RBM19: variants seen among roughly 807,000 people sequenced by gnomAD.
The protein encoded by RBM19 is RNA binding motif protein 19, also known as probable RNA-binding protein 19.
Under a neutral mutation model 116.8 loss-of-function variants are expected in RBM19, and 94 were observed. That is an observed-to-expected ratio of 0.80 (90% CI 0.68 to 0.95). RBM19 has a LOEUF of 0.95. RBM19 is among the 40% of genes least tolerant of loss of function. RBM19 has a pLI of 0.00. For synonymous variants in RBM19, 475 were observed against 494.1 expected (o/e 0.96, Z 0.51); for missense variants, 1,161 against 1,220.7 (o/e 0.95, Z 0.73).
chr12:113,866,912 CAAAA>C (rs924653374), intron 21 of RBM19, among the ~76,000 whole-genome samples: 2 of 152,186 alleles, frequency 1.3e-5, no homozygotes, highest in African/African-American at 4.8e-5. Context: ...ACCGTGTTGC[CAAAA>C]ACAACAGAAG....
In RBM19 at chr12:113,937,221, C is replaced by T; in HGVS notation, c.1939-85G>A. On this transcript the variant is annotated intron_variant, in intron 15 of 23. Coordinates refer to ENST00000261741, the MANE Select transcript of RBM19 (RefSeq NM_016196.4). The stretch of plus-strand genomic sequence containing the variant: ...ACTCAGTCCCATGCAGATCACAGCC[C>T]AAGGGTCACAGAGGATGGGCAACTC... 2.0e-6 allele frequency: 3 copies of T among 1,516,438 alleles called. No homozygotes were observed. In the Admixed American group the frequency reaches 5.7e-5, roughly 29 times the overall value. The allele number at this position is 1,516,438 out of a possible 1,614,324, so 93.9% of individuals were successfully genotyped here. A position where few individuals can be genotyped will look rare whatever the true frequency, so the allele number is the denominator to read the frequency against.
chr12:113,842,572 C>T (rs939234873), intron 23 of RBM19, among the ~76,000 whole-genome samples: 2 of 152,356 alleles, frequency 1.3e-5, no homozygotes, highest in Admixed American at 1.3e-4. Flanking sequence ...ACGGGGGACC[C>T]AGGGAAGAAC....
At chr12:113,862,781 C>G (rs1878499774) in intron 21 of RBM19, among the ~76,000 whole-genome samples, 1 of 152,168 alleles carries the variant, frequency 6.6e-6, no homozygotes, top group African/African-American at 2.4e-5. Flanking sequence ...ATAATAGAAA[C>G]CACAAAGTAG....
rs1593443995 is a variant in RBM19 at position 113,823,028 on chromosome 12, C to A, written c.*196G>T. 5.1e-6 allele frequency: 3 copies of A among 588,338 alleles called. No individual in the cohort carries two copies. The highest frequency in any genetic ancestry group is 5.7e-5 in the East Asian group (2 of 34,794). 36.4% of individuals were successfully genotyped at this position (588,338 alleles called of 1,614,324 possible). On this transcript the variant is annotated 3_prime_UTR_variant, in exon 24 of 24. Coordinates refer to ENST00000261741, the MANE Select transcript of RBM19 (RefSeq NM_016196.4). ...TGCTAGAACGCGTCACTGGTGAAAC[C>A]CAGGATGCCTGGGCCGCTGGGCAGT... is the stretch of plus-strand genomic sequence containing the variant.
At chr12:113,885,004 A>G (rs999994891) in intron 21 of RBM19, among the ~76,000 whole-genome samples, 1 of 152,218 alleles carries the variant, frequency 6.6e-6, no homozygotes, top group African/African-American at 2.4e-5. Context: ...AATAAATGTC[A>G]TGTGGGAGGA....
At chr12:113,910,701 C>T (rs920638920) in intron 21 of RBM19, among the ~76,000 whole-genome samples, 4 of 152,212 alleles carry the variant, frequency 2.6e-5, no homozygotes, top group East Asian at 1.9e-4. Context: ...GCTGTGTGGA[C>T]GAACTGATAC....
intron 19 of RBM19, among the ~76,000 whole-genome samples, chr12:113,918,926 A>G (rs1030546454): frequency 1.3e-5 from 2 of 152,204 alleles, no homozygotes; most frequent in African/African-American, 4.8e-5. Context: ...ATCTCCCATA[A>G]AATACAGCAC....
chr12:113,844,979 G>C (rs1005900999), intron 22 of RBM19, among the ~76,000 whole-genome samples, 191 bp from the exon 23 acceptor site: 1 of 152,176 alleles, frequency 6.6e-6, no homozygotes, highest in African/African-American at 2.4e-5. Flanking sequence ...GCATTCCCAG[G>C]GAGAAAGCTG....
At chr12:113,929,255 G>A (rs1869392031) in intron 16 of RBM19, among the ~76,000 whole-genome samples, 1 of 152,204 alleles carries the variant, frequency 6.6e-6, no homozygotes, top group South Asian at 2.1e-4. Flanking sequence ...CAAGCCTAAT[G>A]CTTTCAAGTC....
intron 23 of RBM19, among the ~76,000 whole-genome samples, chr12:113,833,628 C>G (rs1446383129): frequency 6.6e-6 from 1 of 152,216 alleles, no homozygotes; most frequent in Non-Finnish European, 1.5e-5. Flanking sequence ...CTAGTTGGTC[C>G]CTTTGAATCA....
intron 7 of RBM19, among the ~76,000 whole-genome samples, chr12:113,953,381 G>A (rs1462644818): frequency 2.6e-5 from 4 of 152,164 alleles, no homozygotes; most frequent in African/African-American, 9.7e-5. Context: ...CCAGCTACCC[G>A]AGAGGCTGAG....
intron 21 of RBM19, among the ~76,000 whole-genome samples, chr12:113,893,922 G>A (rs1881132972): frequency 6.6e-6 from 1 of 152,212 alleles, no homozygotes; most frequent in Non-Finnish European, 1.5e-5. Flanking sequence ...CTTTATTGCG[G>A]CAGAAAGTTC....
At chr12:113,878,700 G>A (rs538152200) in intron 21 of RBM19, among the ~76,000 whole-genome samples, 10 of 151,512 alleles carry the variant, frequency 6.6e-5, no homozygotes, top group Non-Finnish European at 1.2e-4. Flanking sequence ...CCCATAGCAC[G>A]GGGATGGCAG....
At chr12:113,880,771 C>T (rs570156032) in intron 21 of RBM19, among the ~76,000 whole-genome samples, 1 of 152,316 alleles carries the variant, frequency 6.6e-6, no homozygotes, top group African/African-American at 2.4e-5. Context: ...CCCTAATTTA[C>T]TGTTCCGTTT....
rs188790484 is a variant in RBM19, at chr12:113,917,091, T to G, written c.2441+1301A>C. On this transcript the variant is annotated intron_variant, in intron 20 of 23. Coordinates refer to ENST00000261741, the MANE Select transcript of RBM19 (RefSeq NM_016196.4). ...TCTATGGAACAGCACTGCCCTAGGG[T>G]GTAAACTCCCAAGGAAACACTATCC... Among the ~76,000 whole-genome samples the G allele has an allele frequency of 7.7e-4, 118 of 152,264 alleles. 2 individuals are homozygous for G. Among genetic ancestry groups the G allele is most frequent in the Non-Finnish European group, 1.3e-3 (89 of 68,016 alleles).
chr12:113,838,204 G>A (rs1041425132), intron 23 of RBM19, among the ~76,000 whole-genome samples: 6 of 152,234 alleles, frequency 3.9e-5, no homozygotes, highest in African/African-American at 1.4e-4. Context: ...CCCACTCTGG[G>A]ACCACTGAGA....
chr12:113,827,968 A>G (rs1453187189), intron 23 of RBM19, among the ~76,000 whole-genome samples: 2 of 152,058 alleles, frequency 1.3e-5, no homozygotes, highest in Non-Finnish European at 2.9e-5. Context: ...AGTGCCTAGC[A>G]CACGGCAAGC....
downstream of RBM19, among the ~76,000 whole-genome samples, chr12:113,819,604 G>A (rs765490975): frequency 6.6e-5 from 10 of 152,222 alleles, no homozygotes; most frequent in East Asian, 1.2e-3. Context: ...GTCTACCAAC[G>A]TCCCATCATT....
chr12:113,834,111 A>G (rs1288343136), intron 23 of RBM19, among the ~76,000 whole-genome samples: 2 of 150,550 alleles, frequency 1.3e-5, no homozygotes, highest in African/African-American at 4.9e-5. Context: ...CTATTTATTT[A>G]TTTTTTTGGT....
Sources: gnomAD v4.1 joint callset for allele counts (sites outside exome capture counted in the v4.1 genomes callset) on GRCh38, gnomAD v4.1.1 for gene constraint, MANE v1.5 for transcripts, NCBI Gene and HGNC (gene_info 2026-07-23, HGNC 2026-07-21) for gene names.